The following NEK1 variants were observed in gnomAD, a reference collection of about 807,000 sequenced individuals.
NEK1 encodes the protein serine/threonine-protein kinase Nek1.
In NEK1, 137 loss-of-function variants were observed where a neutral mutation model predicts 182.1. The observed-to-expected ratio is 0.75, with a 90% CI of 0.65 to 0.87. The LOEUF is 0.87. NEK1 is among the 40% of genes least tolerant of loss of function. The pLI is 0.00. For missense variants in NEK1, 1,391 were observed against 1,494.4 expected (o/e 0.93, Z 1.14); for synonymous variants, 513 against 492.2 (o/e 1.04, Z -0.56).
chr4:169,598,360 T>A (rs1043372443), intron 5 of NEK1, among the ~76,000 whole-genome samples: 1 of 151,812 alleles, frequency 6.6e-6, no homozygotes, highest in East Asian at 1.9e-4. Context: ...CTGGTGATAA[T>A]GAGAAATGTG....
intron 27 of NEK1, among the ~76,000 whole-genome samples, chr4:169,458,587 G>A (rs1307372181): frequency 6.6e-6 from 1 of 151,958 alleles, no homozygotes; most frequent in African/African-American, 2.4e-5. Flanking sequence ...AATTAGCCAG[G>A]CACAATGATG....
intron 19 of NEK1, among the ~76,000 whole-genome samples, chr4:169,511,088 A>G (rs1414852690): frequency 6.6e-6 from 1 of 152,156 alleles, no homozygotes; most frequent in Non-Finnish European, 1.5e-5. Context: ...GATCTTAAAC[A>G]AAACTGCTTA....
chr4:169,582,633 G>A (rs1344975266), intron 10 of NEK1, among the ~76,000 whole-genome samples: 2 of 152,032 alleles, frequency 1.3e-5, no homozygotes, highest in African/African-American at 4.8e-5. Context: ...TCCACTGTTG[G>A]AGAAGTCTTT....
chr4:169,518,899 A>G (rs1755592666), intron 19 of NEK1, among the ~76,000 whole-genome samples: 1 of 87,252 alleles, frequency 1.1e-5, no homozygotes, highest in South Asian at 3.5e-4. Context: ...GTTCTTTTAC[A>G]TTTGCTGAGG....
At chr4:169,403,998 C>G (rs1170181338) in intron 32 of NEK1, among the ~76,000 whole-genome samples, 1 of 152,016 alleles carries the variant, frequency 6.6e-6, no homozygotes, top group Non-Finnish European at 1.5e-5. Context: ...AGGCTTCTAA[C>G]TTAAGTTTTA....
intron 26 of NEK1, among the ~76,000 whole-genome samples, chr4:169,472,127 G>C (rs1003158830): frequency 2.0e-5 from 3 of 151,828 alleles, no homozygotes; most frequent in African/African-American, 7.3e-5. Flanking sequence ...GAACAGTTCT[G>C]TCTTGCTGGC....
intron 27 of NEK1, among the ~76,000 whole-genome samples, chr4:169,445,597 C>A (rs1268247062): frequency 6.6e-6 from 1 of 151,678 alleles, no homozygotes; most frequent in African/African-American, 2.4e-5. Context: ...TACATGTTCT[C>A]ACTTATAAGT....
chr4:169,563,536 G>A (rs1266967066), intron 12 of NEK1, among the ~76,000 whole-genome samples: 3 of 152,042 alleles, frequency 2.0e-5, no homozygotes, highest in Non-Finnish European at 2.9e-5. Flanking sequence ...CATATCAAAT[G>A]TAAATACGAT....
Position 169,537,771 on chromosome 4 carries a change from A to G in NEK1, c.1665+38T>C, listed in dbSNP as rs561595806. On this transcript the variant is annotated intron_variant, in intron 19 of 35. Coordinates refer to ENST00000507142, the MANE Select transcript of NEK1 (RefSeq NM_001199397.3). ...ATTCCAGACCTTCACTTGGAATACT[A>G]ATACATTCAAAATCTCAGAAACAAA... 3.4e-5 allele frequency: 49 copies of G among 1,438,686 alleles called. No individual in the cohort carries two copies. In the South Asian group the frequency reaches 5.4e-4, roughly 16 times the overall value. The allele number at this position is 1,438,686 out of a possible 1,614,324, so 89.1% of individuals were successfully genotyped here. A position where few individuals can be genotyped will look rare whatever the true frequency, so the allele number is the denominator to read the frequency against.
intron 35 of NEK1, among the ~76,000 whole-genome samples, chr4:169,398,725 C>CAT (rs995040843): frequency 6.6e-6 from 1 of 151,960 alleles, no homozygotes; most frequent in South Asian, 2.1e-4. Context: ...TTACTATATA[C>CAT]ATATATATAT....
chr4:169,522,921 A>G (rs1756323608), intron 19 of NEK1, among the ~76,000 whole-genome samples: 1 of 152,054 alleles, frequency 6.6e-6, no homozygotes, highest in Non-Finnish European at 1.5e-5. Flanking sequence ...CCTCTCTAAT[A>G]CCCAGTCCAA....
intron 19 of NEK1, among the ~76,000 whole-genome samples, chr4:169,509,292 TATTA>T (rs1753817845): frequency 1.3e-5 from 2 of 152,138 alleles, no homozygotes. Flanking sequence ...ATGGGTTGTA[TATTA>T]ATTAAGAGAT....
intron 18 of NEK1, among the ~76,000 whole-genome samples, chr4:169,549,188 A>C (rs1348859978): frequency 6.6e-6 from 1 of 152,084 alleles, no homozygotes; most frequent in Admixed American, 6.6e-5. Flanking sequence ...TACAGTTCCT[A>C]ATGGCTTCCC....
intron 12 of NEK1, among the ~76,000 whole-genome samples, chr4:169,573,392 G>T (rs1186990818): frequency 2.0e-5 from 3 of 152,206 alleles, no homozygotes; most frequent in African/African-American, 7.2e-5. Context: ...GTGACCAGAA[G>T]GTGCTAATTT....
chr4:169,440,607 G>C (rs553241913), intron 27 of NEK1, among the ~76,000 whole-genome samples: 20 of 152,252 alleles, frequency 1.3e-4, no homozygotes, highest in Admixed American at 9.8e-4. Context: ...AAAGGGATGG[G>C]GAACCTCTGA....
chr4:169,467,203 T>C (rs757015519), intron 26 of NEK1, among the ~76,000 whole-genome samples: 1 of 152,202 alleles, frequency 6.6e-6, no homozygotes, highest in African/African-American at 2.4e-5. Flanking sequence ...ATTGGCTTTA[T>C]GTTATTGATA....
chr4:169,433,875 T>G (rs1448569043), intron 28 of NEK1, among the ~76,000 whole-genome samples: 2 of 152,200 alleles, frequency 1.3e-5, no homozygotes, highest in Non-Finnish European at 2.9e-5. Context: ...TCTTTTGCCT[T>G]TTACTGTAAT....
intron 4 of NEK1, among the ~76,000 whole-genome samples, chr4:169,601,437 A>G (rs892291059): frequency 2.6e-5 from 4 of 152,176 alleles, no homozygotes; most frequent in African/African-American, 9.7e-5. Flanking sequence ...TATTAAATAT[A>G]ATGCATATAG....
At chr4:169,594,542 A>G (rs1049721818) in intron 5 of NEK1, among the ~76,000 whole-genome samples, 1 of 152,172 alleles carries the variant, frequency 6.6e-6, no homozygotes, top group African/African-American at 2.4e-5. Flanking sequence ...TACTGATTTT[A>G]TCATTTGGTT....
Sources: gnomAD v4.1 joint callset for allele counts (sites outside exome capture counted in the v4.1 genomes callset) on GRCh38, gnomAD v4.1.1 for gene constraint, MANE v1.5 for transcripts, NCBI Gene and HGNC (gene_info 2026-07-23, HGNC 2026-07-21) for gene names.